The following MCM5 variants were observed in gnomAD, a reference collection of about 807,000 sequenced individuals.
The protein encoded by MCM5 is minichromosome maintenance complex component 5.
MCM5 carries 46 observed loss-of-function variants against 79.9 expected under a neutral mutation model. The observed-to-expected ratio is 0.58, with a 90% confidence interval of 0.45 to 0.74. MCM5 has a LOEUF of 0.74. Among genes scored for constraint, MCM5 ranks in the 30% least tolerant of loss-of-function variants. The pLI is 0.00. For missense variants in MCM5, 883 were observed against 1,017.0 expected (o/e 0.87, Z 1.79); for synonymous variants, 404 against 390.5 (o/e 1.03, Z -0.41).
chr22:35,416,334 C>G lies in MCM5; in HGVS notation c.1348-5C>G. 6.2e-7 allele frequency: 1 copy of G among 1,613,662 alleles called. No individual in the cohort carries two copies. On this transcript the variant is annotated splice_region_variant and splice_polypyrimidine_tract_variant and intron_variant, in intron 10 of 16. Transcript: ENST00000216122. ...TCTGATGATATTTCTCTCTTCCCCA[C>G]TTAGATGCGAGAAGATGACCGTGTG... is the stretch of plus-strand genomic sequence containing the variant.
rs758401453 is a variant in MCM5, at chr22:35,403,296, A to C, written c.257A>C (p.Asp86Ala). 3 of 1,614,112 alleles carry C rather than the reference A, an allele frequency of 1.9e-6. No individual in the cohort carries two copies. Among genetic ancestry groups the C allele is most frequent in the Non-Finnish European group, 2.5e-6 (3 of 1,180,038 alleles). The change falls in exon 3 of 17, where the codon GAC (aspartate) becomes GCC (alanine). Residue 86 changes from aspartate (D) to alanine (A), a missense_variant. By Grantham distance (126) the Asp-to-Ala change is moderately radical. Transcript: ENST00000216122. ...GCCAGCTTTGATGAGGACCTGGCCG[A>C]CTACTTGTACAAGCAGCCAGCCGAG... ...DLASFDEDLA[D>A]YLYKQPAEHL...
At chr22:35,412,381 T>G (rs1161488190) in intron 7 of MCM5, 129 bp from the exon 8 acceptor site, 3 of 631,934 alleles carry the variant, frequency 4.7e-6, no homozygotes, top group African/African-American at 3.7e-5. Flanking sequence ...CTCAGATAGG[T>G]TGTGCTGTCC....
chr22:35,450,685 ACGG>A, the MCM5 span, among the ~76,000 whole-genome samples: 9 of 152,184 alleles, frequency 5.9e-5, no homozygotes, highest in African/African-American at 1.9e-4. Flanking sequence ...CCCGGTCCCC[ACGG>A]CAACACGTTG....
chr22:35,402,664 T>G (rs569999024), intron 2 of MCM5, among the ~76,000 whole-genome samples: 1 of 152,222 alleles, frequency 6.6e-6, no homozygotes, highest in East Asian at 1.9e-4. Flanking sequence ...GGCATTCTCA[T>G]GCCTCAGTAG....
chr22:35,431,465 A>G, the MCM5 span, among the ~76,000 whole-genome samples: 2 of 152,170 alleles, frequency 1.3e-5, no homozygotes, highest in South Asian at 2.1e-4. Context: ...ATACACGTGT[A>G]TTATTTTTTG....
chr22:35,402,648 G>A (rs977838321), intron 2 of MCM5, among the ~76,000 whole-genome samples: 45 of 151,994 alleles, frequency 3.0e-4, no homozygotes, highest in Middle Eastern at 3.2e-3. Flanking sequence ...CCACCTCTGG[G>A]GTTCAGGCAT....
chr22:35,426,696 C>T (rs1366503481), downstream of MCM5, among the ~76,000 whole-genome samples: 1 of 152,222 alleles, frequency 6.6e-6, no homozygotes, highest in Non-Finnish European at 1.5e-5. Context: ...ATCAGAGCAG[C>T]TGGGCCTGGC....
At position 35,408,464 on chromosome 22, in the gene MCM5, A is replaced by G. The variant is rs2145788246; in HGVS notation, c.653A>G (p.Lys218Arg). The G allele has an allele frequency of 6.2e-7, 1 of 1,614,190 alleles. No homozygotes were observed. The highest frequency in any genetic ancestry group is 8.5e-7 in the Non-Finnish European group (1 of 1,180,026). The change falls in exon 6 of 17, where the codon AAA becomes AGA. Residue 218 changes from lysine (K) to arginine (R), a missense_variant. Around this residue, in one of 3 missense-constraint regions of MCM5, gnomAD observed 455 missense variants for 517.5 expected, o/e 0.88. Coordinates refer to ENST00000216122, the MANE Select transcript of MCM5 (RefSeq NM_006739.4). ...GACCCGTACTTCATCATGCCCGACA[A>G]ATGCAAATGCGTGGACTTCCAGACC... Reference protein sequence around the residue: ...PLDPYFIMPDKCKCVDFQTLK... With the variant: ...PLDPYFIMPDRCKCVDFQTLK...
intron 5 of MCM5, 42 bp downstream of exon 5, chr22:35,406,767 T>C (rs1465185417): frequency 6.3e-7 from 1 of 1,590,948 alleles, no homozygotes; most frequent in African/African-American, 1.3e-5. Flanking sequence ...GTGACCTGAG[T>C]GAAGATCAGA....
downstream of MCM5, among the ~76,000 whole-genome samples, chr22:35,430,004 G>A (rs1487215340): frequency 6.6e-6 from 1 of 152,228 alleles, no homozygotes; most frequent in Non-Finnish European, 1.5e-5. Flanking sequence ...AACACCGAAA[G>A]TCTTGCATCC....
chr22:35,433,872 T>C, the MCM5 span, among the ~76,000 whole-genome samples: 1 of 152,122 alleles, frequency 6.6e-6, no homozygotes, highest in Non-Finnish European at 1.5e-5. Context: ...AGCCACTAAA[T>C]GGCCCCAAGA....
intron 6 of MCM5, chr22:35,410,528 G>C: frequency 1.8e-6 from 1 of 543,720 alleles, no homozygotes; most frequent in Non-Finnish European, 3.4e-6. Flanking sequence ...GTCACTGTGG[G>C]CAACACCATC....
intron 7 of MCM5, 121 bp downstream of exon 7, chr22:35,411,031 T>C: frequency 1.2e-6 from 1 of 850,136 alleles, no homozygotes; most frequent in Non-Finnish European, 1.8e-6. Flanking sequence ...GCTCATATCA[T>C]TAGAACGTTC....
the MCM5 span, among the ~76,000 whole-genome samples, chr22:35,450,192 AC>A: frequency 2.6e-5 from 4 of 152,186 alleles, no homozygotes; most frequent in African/African-American, 7.2e-5. Flanking sequence ...TGGGACTGTC[AC>A]GAGAATTAGA....
In MCM5 at chr22:35,424,266, C is replaced by T; in HGVS notation, c.*11C>T. ...TACCGCCTCAAGTGAGTCGCGCCGCCTCACTGGACTCATGGACTCGCCCAC... is the reference window on the plus strand; with the variant it reads ...TACCGCCTCAAGTGAGTCGCGCCGCTTCACTGGACTCATGGACTCGCCCAC... On this transcript the variant is annotated 3_prime_UTR_variant, in exon 17 of 17. Coordinates refer to ENST00000216122, the MANE Select transcript of MCM5 (RefSeq NM_006739.4). 2 of 1,529,700 alleles carry T rather than the reference C, an allele frequency of 1.3e-6. No individual in the cohort carries two copies. The highest frequency in any genetic ancestry group is 1.8e-6 in the Non-Finnish European group (2 of 1,132,082). The allele number at this position is 1,529,700 out of a possible 1,614,324, so 94.8% of individuals were successfully genotyped here.
intron 2 of MCM5, chr22:35,401,327 A>C (rs771934089): frequency 6.5e-6 from 3 of 459,038 alleles, no homozygotes; most frequent in African/African-American, 2.0e-5. Flanking sequence ...TGAAGATGGC[A>C]GTTAGGATTC....
rs1250851496 is a variant in MCM5 at position 35,423,205 on chromosome 22, T to C, written c.1976-9T>C. The stretch of plus-strand genomic sequence containing the variant: ...GCTCCCCGGCTGCCTCACTTCTCCA[T>C]GCCCACAGGGGTGGAGGGCTTCACC... On this transcript the variant is annotated splice_polypyrimidine_tract_variant and intron_variant, in intron 15 of 16. Coordinates refer to ENST00000216122, the MANE Select transcript of MCM5 (RefSeq NM_006739.4). 3 of 1,554,472 alleles carry C rather than the reference T, an allele frequency of 1.9e-6. No homozygotes were observed. In the East Asian group the frequency reaches 7.0e-5, roughly 36 times the overall value.
chr22:35,446,114 G>A, the MCM5 span, among the ~76,000 whole-genome samples: 2 of 152,210 alleles, frequency 1.3e-5, no homozygotes, highest in Non-Finnish European at 2.9e-5. Flanking sequence ...TGTACTGAGT[G>A]CTGGAACAAA....
chr22:35,402,475 C>T (rs1470247274), intron 2 of MCM5, among the ~76,000 whole-genome samples: 16 of 151,636 alleles, frequency 1.1e-4, no homozygotes, highest in Admixed American at 1.1e-3. Flanking sequence ...TACAGGCATC[C>T]GCCACCACAC....
Sources: allele counts gnomAD v4.1 joint callset (sites outside exome capture counted in the v4.1 genomes callset), GRCh38; gene constraint gnomAD v4.1.1; regional missense constraint gnomAD v4.1.1; transcripts MANE v1.5; gene names NCBI Gene and HGNC (gene_info 2026-07-23, HGNC 2026-07-21).